Variants in MAP7 observed in about 807,000 individuals in gnomAD.
MAP7 encodes ensconsin.
A neutral mutation model predicts 94.8 loss-of-function variants in MAP7; 52 were observed. That is an observed-to-expected ratio of 0.55 (90% CI 0.44 to 0.69). The LOEUF (loss-of-function observed/expected upper bound fraction) is 0.69, where lower values mean the gene tolerates loss of function less well. Among genes scored for constraint, MAP7 ranks in the 30% least tolerant of loss-of-function variants. MAP7 has a pLI of 0.00. For missense variants in MAP7, 940 were observed against 964.6 expected (o/e 0.97, Z 0.34); for synonymous variants, 350 against 357.0 (o/e 0.98, Z 0.22).
intron 2 of MAP7, among the ~76,000 whole-genome samples, chr6:136,414,551 G>A (rs116130002): frequency 6.6e-6 from 1 of 151,740 alleles, no homozygotes; most frequent in Non-Finnish European, 1.5e-5. Context: ...AAAGAACTCG[G>A]GATAAAAGTC....
rs1792578991 is a variant in MAP7, at chr6:136,361,075, T to C, written c.1631A>G (p.Glu544Gly). The change falls in exon 12 of 18, where the codon GAG becomes GGG. Residue 544 changes from glutamate to glycine, a missense_variant. Coordinates refer to ENST00000354570, the MANE Select transcript of MAP7 (RefSeq NM_003980.6). ...LEAEQAREKE[E>G]QLQRQAEERA... ...CTCCTCCGCCTGCCGCTGCAGCTGC[T>C]CCTCCTTCTCCCGGGCCTGCTCGGC... 5.6e-6 allele frequency: 9 copies of C among 1,602,142 alleles called. No individual in the cohort carries two copies. The highest frequency in any genetic ancestry group is 7.6e-6 in the Non-Finnish European group (9 of 1,179,008).
intron 1 of MAP7, among the ~76,000 whole-genome samples, chr6:136,426,586 C>G (rs1793222964): frequency 6.6e-6 from 1 of 152,216 alleles, no homozygotes; most frequent in Admixed American, 6.5e-5. Flanking sequence ...GGGCAAAGAG[C>G]TTGCAGACCA....
intron 1 of MAP7, among the ~76,000 whole-genome samples, chr6:136,469,015 G>A (rs1808072920): frequency 6.6e-6 from 1 of 151,878 alleles, no homozygotes; most frequent in African/African-American, 2.4e-5. Flanking sequence ...ACTAAATGGT[G>A]GTGAATTCAT....
intron 1 of MAP7, among the ~76,000 whole-genome samples, chr6:136,460,397 C>T (rs1488474427): frequency 6.6e-6 from 1 of 152,040 alleles, no homozygotes; most frequent in East Asian, 1.9e-4. Context: ...TTCTGTAATG[C>T]TATGTTATAT....
At chr6:136,461,447 T>G (rs1351504121) in intron 1 of MAP7, among the ~76,000 whole-genome samples, 1 of 152,218 alleles carries the variant, frequency 6.6e-6, no homozygotes, top group Admixed American at 6.5e-5. Flanking sequence ...ATTTTATAAC[T>G]GTTATGCTAA....
intron 1 of MAP7, among the ~76,000 whole-genome samples, chr6:136,488,266 G>A (rs1815399608): frequency 6.6e-6 from 1 of 151,708 alleles, no homozygotes; most frequent in Non-Finnish European, 1.5e-5. Context: ...GCTTTTTTTG[G>A]GTATCAACTG....
Position 136,388,515 on chromosome 6 carries a change from G to C in MAP7, c.409-5C>G, listed in dbSNP as rs1779793792. On this transcript the variant is annotated splice_region_variant and splice_polypyrimidine_tract_variant and intron_variant, in intron 4 of 17. Transcript: ENST00000354570. ...TACAACAGCTTCGTGGCGTTCCTTA[G>C]ATGGAATAGAAGAGCTGAGGATTAG... The C allele has an allele frequency of 1.2e-6, 2 of 1,611,060 alleles. No homozygotes were observed. The highest frequency in any genetic ancestry group is 1.7e-6 in the Non-Finnish European group (2 of 1,177,406).
intron 8 of MAP7, among the ~76,000 whole-genome samples, chr6:136,367,758 G>T (rs991744299): frequency 3.3e-5 from 5 of 152,214 alleles, no homozygotes; most frequent in Admixed American, 6.5e-5. Flanking sequence ...TCACAGAGCT[G>T]CTGTGGGCTT....
chr6:136,519,040 G>A (rs781595978), intron 1 of MAP7, among the ~76,000 whole-genome samples: 40 of 152,146 alleles, frequency 2.6e-4, no homozygotes, highest in Non-Finnish European at 5.1e-4. Context: ...CTTGTACACA[G>A]TAACGCATGT....
At chr6:136,389,873 C>T (rs1382876259) in intron 3 of MAP7, among the ~76,000 whole-genome samples, 3 of 152,078 alleles carry the variant, frequency 2.0e-5, no homozygotes, top group African/African-American at 7.2e-5. Flanking sequence ...TATTATAAAA[C>T]AATGTGATAT....
chr6:136,540,612 T>G (rs1046170830), intron 1 of MAP7, among the ~76,000 whole-genome samples: 1 of 152,128 alleles, frequency 6.6e-6, no homozygotes, highest in Non-Finnish European at 1.5e-5. Flanking sequence ...CTGAGTAAAC[T>G]CACTAGACTT....
intron 1 of MAP7, among the ~76,000 whole-genome samples, chr6:136,496,436 T>C (rs367860877): frequency 2.6e-5 from 4 of 151,158 alleles, no homozygotes; most frequent in Non-Finnish European, 5.9e-5. Context: ...GTGTAAACAT[T>C]TGTCAATGTC....
At chr6:136,459,644 A>G (rs961892038) in intron 1 of MAP7, among the ~76,000 whole-genome samples, 3 of 152,170 alleles carry the variant, frequency 2.0e-5, no homozygotes, top group Admixed American at 6.6e-5. Flanking sequence ...AAATAAGCCA[A>G]TCACAGAAGG....
chr6:136,420,218 A>T, intron 2 of MAP7: 1 of 1,057,176 alleles, frequency 9.5e-7, no homozygotes, highest in Non-Finnish European at 1.5e-6. Flanking sequence ...GGCATTTCAG[A>T]GCCAGGAACA....
In MAP7 at chr6:136,421,697, A is replaced by G. The variant is rs1257719988; in HGVS notation, c.166+4T>C. The G allele has an allele frequency of 2.5e-6, 4 of 1,612,558 alleles. No individual in the cohort carries two copies. The highest frequency in any genetic ancestry group is 4.5e-5 in the East Asian group (2 of 44,880). ...TTTCCCACAGTTAATGCAATGCATCATACCTGGTTTATTTCCTGAGTGGTT... is the reference window on the plus strand; with the variant it reads ...TTTCCCACAGTTAATGCAATGCATCGTACCTGGTTTATTTCCTGAGTGGTT... On this transcript the variant is annotated splice_donor_region_variant and intron_variant, in intron 2 of 17. Transcript: ENST00000354570.
intron 1 of MAP7, among the ~76,000 whole-genome samples, chr6:136,463,478 A>G (rs773170385): frequency 9.2e-5 from 14 of 152,228 alleles, no homozygotes; most frequent in Non-Finnish European, 1.5e-4. Context: ...AATGTTTTCT[A>G]AAGAATTTTT....
intron 1 of MAP7, among the ~76,000 whole-genome samples, chr6:136,456,767 G>GGAGGAGGACGAA (rs1179338276): frequency 3.3e-5 from 2 of 60,520 alleles, no homozygotes; most frequent in Admixed American, 1.9e-4. Context: ...AGGAGGAGGA[G>GGAGGAGGACGAA]GAAGAAGAAG....
rs1239658262 is a variant in MAP7, at chr6:136,550,133, C to G, written c.67+209G>C. 1.3e-5 allele frequency among the ~76,000 whole-genome samples: 2 copies of G among 150,720 alleles called. No individual in the cohort carries two copies. The highest frequency in any genetic ancestry group is 2.4e-5 in the African/African-American group (1 of 41,196). ...GGGCGGCCGCAACCCCGGCCGGGGCCGAGCCGGGCTGGCCGAGCCGCGGCG... is the reference window on the plus strand; with the variant it reads ...GGGCGGCCGCAACCCCGGCCGGGGCGGAGCCGGGCTGGCCGAGCCGCGGCG... On this transcript the variant is annotated intron_variant, in intron 1 of 17. Transcript: ENST00000354570. The surrounding 1 kb of genome is among the most constrained non-coding windows in gnomAD (Gnocchi z 5.1).
At chr6:136,514,600 A>G (rs1002098737) in intron 1 of MAP7, among the ~76,000 whole-genome samples, 2 of 151,636 alleles carry the variant, frequency 1.3e-5, no homozygotes, top group Non-Finnish European at 2.9e-5. Context: ...AAAAAAAAAA[A>G]AAAAAAAGAA....
Sources: allele counts gnomAD v4.1 joint callset (sites outside exome capture counted in the v4.1 genomes callset), GRCh38; gene constraint gnomAD v4.1.1; non-coding constraint Gnocchi (gnomAD v3.1); transcripts MANE v1.5; gene names NCBI Gene and HGNC (gene_info 2026-07-23, HGNC 2026-07-21).